The following ANKRD36 variants were observed in gnomAD, a reference collection of about 807,000 sequenced individuals.
ANKRD36 encodes ankyrin repeat domain 36, also known as ankyrin repeat domain-containing protein 36A.
ANKRD36 carries 179 observed loss-of-function variants against 278.1 expected under a neutral mutation model. The ratio of observed to expected loss-of-function variants is 0.64; its 90% CI spans 0.57 to 0.73. The LOEUF is 0.73. ANKRD36 is among the 30% of genes least tolerant of loss of function. ANKRD36 has a pLI of 0.00. For synonymous variants in ANKRD36, 320 were observed against 641.1 expected (o/e 0.50, Z 7.57); for missense variants, 1,159 against 1,956.7 (o/e 0.59, Z 7.69).
Position 97,179,894 on chromosome 2 carries a change from AT to A in ANKRD36, c.1697del (p.Ile566LysfsTer5). 6.2e-7 allele frequency: 1 copy of A among 1,605,942 alleles called. No homozygotes were observed. Among genetic ancestry groups the A allele is most frequent in the Non-Finnish European group, 8.5e-7 (1 of 1,178,348 alleles). On this transcript the variant is annotated frameshift_variant, in exon 24 of 76. Coordinates refer to ENST00000420699, the MANE Select transcript of ANKRD36 (RefSeq NM_001354587.1). LOFTEE classifies it high-confidence loss of function. Reference sequence around the variant, plus strand: ...TGACGACAAAGATTCTGTTTCAAATATAGCCACAGAAATAAAGGAGGGACCA... The same window carrying A: ...TGACGACAAAGATTCTGTTTCAAATAAGCCACAGAAATAAAGGAGGGACCA... Reference protein sequence around the residue: ...TSDDKDSVSNIATEIKEGPIS... With the variant: ...TSDDKDSVSNXATEIKEGPIS...
At position 97,133,671 on chromosome 2, in the gene ANKRD36, A is replaced by C. The variant is rs1361221624; in HGVS notation, c.799+6537A>C. 2.0e-5 allele frequency among the ~76,000 whole-genome samples: 3 copies of C among 152,004 alleles called. No individual in the cohort carries two copies. The Admixed American group carries it at 2.0e-4, about 10-fold the overall frequency. ...GGAGAGAATATTCATATTGTGTTTC[A>C]AATTGAGTACATATTGCCATAATAT... On this transcript the variant is annotated intron_variant, in intron 6 of 75. Transcript: ENST00000420699.
At chr2:97,218,925 G>T (rs2066652117) in intron 64 of ANKRD36, 125 bp from the exon 65 acceptor site, 21 of 1,415,982 alleles carry the variant, frequency 1.5e-5, no homozygotes, top group Non-Finnish European at 1.9e-5. Flanking sequence ...AAACAAACTA[G>T]AAAAATATGA....
intron 67 of ANKRD36, among the ~76,000 whole-genome samples, chr2:97,229,439 A>G (rs1037077868): frequency 6.6e-6 from 1 of 152,084 alleles, no homozygotes; most frequent in Non-Finnish European, 1.5e-5. Flanking sequence ...AGTCTGTTTT[A>G]TCAGAGACTA....
intron 17 of ANKRD36, among the ~76,000 whole-genome samples, chr2:97,159,049 A>G (rs555592366): frequency 2.8e-4 from 43 of 152,056 alleles, no homozygotes; most frequent in Non-Finnish European, 4.7e-4. Context: ...ACAGAGTTGA[A>G]TAAGAGTGTC....
At chr2:97,200,078 C>A (rs1205012466) in intron 44 of ANKRD36, among the ~76,000 whole-genome samples, 1 of 151,856 alleles carries the variant, frequency 6.6e-6, no homozygotes, top group Non-Finnish European at 1.5e-5. Flanking sequence ...TTGAGATTGA[C>A]ACGGTTTTAT....
rs1394199169 is a variant in ANKRD36, at chr2:97,118,413, G to T, written c.382G>T (p.Asp128Tyr). The T allele has an allele frequency of 2.5e-6, 4 of 1,607,556 alleles. No individual in the cohort carries two copies. Among genetic ancestry groups the T allele is most frequent in the Non-Finnish European group, 3.4e-6 (4 of 1,177,674 alleles). Residue 128 changes from aspartate to tyrosine, a missense_variant, in exon 3 of 76, where the codon GAT becomes TAT. By Grantham distance (160) the Asp-to-Tyr change is radical (BLOSUM62 -3). Coordinates refer to ENST00000420699, the MANE Select transcript of ANKRD36 (RefSeq NM_001354587.1). ...AAATGGCGCCAATCCAAATATTACG[G>T]ATTTCTTTGGAAGGACTGCTCTGCA... ...LQNGANPNIT[D>Y]FFGRTALHYA... is the part of the protein sequence containing the mutation.
chr2:97,249,150 GA>G lies in ANKRD36; in HGVS notation c.5569del (p.Ile1857TyrfsTer9), dbSNP rs775150727. Reference sequence around the variant, plus strand: ...TTAAAATTCTTTGTTTCAGTTTCAAGAAATACAGGATCAACTTACAGCTACT... The same window carrying G: ...TTAAAATTCTTTGTTTCAGTTTCAAGAATACAGGATCAACTTACAGCTACT... The part of the protein sequence containing the change: ...KLDQMRSQFQ[E>X]IQDQLTATIR... On this transcript the variant is annotated frameshift_variant, in exon 73 of 76. Coordinates refer to ENST00000420699, the MANE Select transcript of ANKRD36 (RefSeq NM_001354587.1). LOFTEE classifies it high-confidence loss of function. 3,048 of 236,880 alleles carry G rather than the reference GA, an allele frequency of 0.013. No individual in the cohort carries two copies. The highest frequency in any genetic ancestry group is 0.017 in the Non-Finnish European group (2,481 of 150,298). 14.7% of individuals were successfully genotyped at this position (236,880 alleles called of 1,614,324 possible).
chr2:97,148,853 A>G (rs1330803585), intron 11 of ANKRD36, among the ~76,000 whole-genome samples: 1 of 152,230 alleles, frequency 6.6e-6, no homozygotes, highest in East Asian at 1.9e-4. Flanking sequence ...AATCAGAAAT[A>G]GATAATGGAG....
chr2:97,121,643 C>T (rs1032214627), intron 3 of ANKRD36, among the ~76,000 whole-genome samples: 1 of 151,886 alleles, frequency 6.6e-6, no homozygotes, highest in African/African-American at 2.4e-5. Flanking sequence ...GAGACTCCAT[C>T]CCAAATAAAT....
At position 97,206,115 on chromosome 2, in the gene ANKRD36, A is replaced by T. The variant is rs2062783635; in HGVS notation, c.3143A>T (p.Asp1048Val). Reference sequence around the variant, plus strand: ...TTGAGTATAGCCAGAGAAAACAAGGATGGAGAAAAATCTAGGACAGGTAAT... The same window carrying T: ...TTGAGTATAGCCAGAGAAAACAAGGTTGGAGAAAAATCTAGGACAGGTAAT... The part of the protein sequence containing the change: ...SVLSIARENK[D>V]GEKSRTVSSE... The change falls in exon 52 of 76, where the codon GAT becomes GTT. Residue 1048 changes from aspartate (D) to valine (V), a missense_variant. Transcript: ENST00000420699. 6.5e-7 allele frequency: 1 copy of T among 1,543,226 alleles called. No homozygotes were observed. The highest frequency in any genetic ancestry group is 1.4e-5 in the African/African-American group (1 of 72,842).
At chr2:97,199,537 T>G (rs2060718616) in intron 44 of ANKRD36, among the ~76,000 whole-genome samples, 1 of 151,938 alleles carries the variant, frequency 6.6e-6, no homozygotes, top group African/African-American at 2.4e-5. Flanking sequence ...AATGGTCATT[T>G]TCAATGAATA....
intron 15 of ANKRD36, among the ~76,000 whole-genome samples, chr2:97,156,441 A>G (rs370597616): frequency 7.4e-5 from 10 of 135,692 alleles, no homozygotes; most frequent in Non-Finnish European, 8.5e-5. Flanking sequence ...TCATTGTTCA[A>G]TTCCCACCTA....
chr2:97,181,795 T>A lies in ANKRD36; in HGVS notation c.1837+2T>A. 1 of 1,607,884 alleles carries A rather than the reference T, an allele frequency of 6.2e-7. No homozygotes were observed. The highest frequency in any genetic ancestry group is 8.5e-7 in the Non-Finnish European group (1 of 1,177,898). ...AGAAGGGACAACAATCTGGGACAGG[T>A]AATTTTGCAAAACACATTTAATGTC... is the stretch of plus-strand genomic sequence containing the variant. On this transcript the variant is annotated splice_donor_variant, in intron 26 of 75. Coordinates refer to ENST00000420699, the MANE Select transcript of ANKRD36 (RefSeq NM_001354587.1). LOFTEE classifies it high-confidence loss of function.
chr2:97,187,494 G>GGGTC, intron 32 of ANKRD36, 93 bp downstream of exon 32: 13 of 95,516 alleles, frequency 1.4e-4, no homozygotes, highest in South Asian at 6.9e-4. Flanking sequence ...GGGTGGGGGG[G>GGGTC]CTCGCCGAAG....
At chr2:97,125,073 G>C (rs1238229142) in intron 5 of ANKRD36, among the ~76,000 whole-genome samples, 1 of 151,500 alleles carries the variant, frequency 6.6e-6, no homozygotes, top group African/African-American at 2.4e-5. Context: ...AAGACAATCA[G>C]TGTCTACAAG....
In ANKRD36 at chr2:97,262,722, G is replaced by T. The variant is rs192664289; in HGVS notation, c.*7-1607G>T. On this transcript the variant is annotated intron_variant, in intron 75 of 75. Transcript: ENST00000420699. ...TCTTGCCCTTTTTTCACTAATGAGT[G>T]AGTTCTCACTGCATTACACGAAAGG... Among the ~76,000 whole-genome samples the T allele has an allele frequency of 1.0e-3, 138 of 132,640 alleles. 10 individuals carry two copies. The highest frequency in any genetic ancestry group is 1.8e-3 in the Non-Finnish European group (118 of 65,250). The allele number at this position is 132,640 out of a possible 152,430, so 87.0% of individuals were successfully genotyped here.
chr2:97,124,348 C>T, intron 4 of ANKRD36, 112 bp from the exon 5 acceptor site: 3 of 1,335,708 alleles, frequency 2.2e-6, no homozygotes, highest in African/African-American at 1.5e-5. Flanking sequence ...TTTCTTAGTA[C>T]ATGTAATTGG....
intron 67 of ANKRD36, among the ~76,000 whole-genome samples, chr2:97,230,244 G>A (rs1234410795): frequency 6.6e-6 from 1 of 152,088 alleles, no homozygotes; most frequent in African/African-American, 2.4e-5. Context: ...TTCCACCTTG[G>A]TTCCATTCTC....
At chr2:97,196,487 G>T (rs1420717816) in intron 40 of ANKRD36, 106 bp from the exon 41 acceptor site, 2 of 1,560,228 alleles carry the variant, frequency 1.3e-6, no homozygotes, top group East Asian at 4.7e-5. Context: ...CAAAGCCTAT[G>T]CTAATACAGG....
Sources: allele counts gnomAD v4.1 joint callset (sites outside exome capture counted in the v4.1 genomes callset), GRCh38; gene constraint gnomAD v4.1.1; transcripts MANE v1.5; gene names NCBI Gene and HGNC (gene_info 2026-07-23, HGNC 2026-07-21).